The following HMHB1 variants were observed in gnomAD, a reference collection of about 807,000 sequenced individuals.
HMHB1 encodes minor histocompatibility protein HB-1.
A neutral mutation model predicts 2.4 loss-of-function variants in HMHB1; 4 were observed. The ratio of observed to expected loss-of-function variants is 1.65; its 90% CI spans 0.81 to 3.77. The LOEUF (loss-of-function observed/expected upper bound fraction) is 3.77. Among genes scored for constraint, HMHB1 ranks in the 30% most tolerant of loss-of-function variants. HMHB1 has a pLI of 0.01. For missense variants in HMHB1, 57 were observed against 44.2 expected, an observed-to-expected ratio of 1.29 and a Z score of -0.82; for synonymous variants, 22 against 17.6, an observed-to-expected ratio of 1.25 and a Z score of -0.63.
intron 1 of HMHB1, among the ~76,000 whole-genome samples, chr5:143,818,787 T>A (rs1245457166): frequency 2.0e-5 from 3 of 152,168 alleles, no homozygotes; most frequent in Admixed American, 1.3e-4. Context: ...TTCCTTTTTT[T>A]CTTCCCTGGC....
At chr5:143,815,985 C>T (rs566974036) in intron 1 of HMHB1, among the ~76,000 whole-genome samples, 2 of 152,214 alleles carry the variant, frequency 1.3e-5, no homozygotes, top group Admixed American at 6.5e-5. Context: ...GGATTACAGG[C>T]GTGAGCCGCT....
intron 1 of HMHB1, among the ~76,000 whole-genome samples, chr5:143,819,477 A>C (rs1468983556): frequency 5.9e-5 from 9 of 152,136 alleles, no homozygotes; most frequent in Non-Finnish European, 1.3e-4. Flanking sequence ...TCTTCTAAAA[A>C]TACAAAAATT....
intron 1 of HMHB1, among the ~76,000 whole-genome samples, 182 bp downstream of exon 1, chr5:143,812,486 G>A (rs2126791932): frequency 6.6e-6 from 1 of 152,296 alleles, no homozygotes; most frequent in East Asian, 1.9e-4. Flanking sequence ...AGGGCGGATA[G>A]TTTCCAGTTG....
At chr5:143,812,646 G>C (rs3792815) in intron 1 of HMHB1, among the ~76,000 whole-genome samples, 1 of 151,942 alleles carries the variant, frequency 6.6e-6, no homozygotes, top group Non-Finnish European at 1.5e-5. Flanking sequence ...GTCGGAGCCA[G>C]GGTAGCCAAG....
intron 1 of HMHB1, among the ~76,000 whole-genome samples, chr5:143,819,454 G>A (rs1395052032): frequency 6.6e-6 from 1 of 152,110 alleles, no homozygotes; most frequent in Non-Finnish European, 1.5e-5. Context: ...CACCAAGATG[G>A]TGAAACCCTG....
In HMHB1 at chr5:143,812,277, C is replaced by G; in HGVS notation, c.10C>G (p.Gln4Glu). Reference sequence around the variant, plus strand: ...AGTGGAGAAACCAGAACTGGAGGAGCAGCCAGAATGCAGAGAAGAAAAAAG... The same window carrying G: ...AGTGGAGAAACCAGAACTGGAGGAGGAGCCAGAATGCAGAGAAGAAAAAAG... Residue 4 changes from glutamine to glutamate, a missense_variant, in exon 1 of 2, where the codon CAG becomes GAG. Gln to Glu is a conservative substitution (Grantham distance 29). Coordinates refer to ENST00000289448, the MANE Select transcript of HMHB1 (RefSeq NM_021182.3). 4 of 1,551,506 alleles carry G rather than the reference C, an allele frequency of 2.6e-6. No homozygotes were observed. The highest frequency in any genetic ancestry group is 3.5e-6 in the Non-Finnish European group (4 of 1,146,948).
intron 1 of HMHB1, among the ~76,000 whole-genome samples, chr5:143,815,244 A>C (rs1006163914): frequency 2.6e-5 from 4 of 152,230 alleles, no homozygotes; most frequent in Non-Finnish European, 5.9e-5. Context: ...TCATTATCTT[A>C]CAGTTAAGAG....
intron 1 of HMHB1, among the ~76,000 whole-genome samples, 153 bp from the exon 2 acceptor site, chr5:143,820,327 A>AAAAAAAAAAAAAAAAAC: frequency 1.6e-5 from 2 of 123,572 alleles, no homozygotes; most frequent in Non-Finnish European, 3.2e-5. Flanking sequence ...GTAAAAAAAA[A>AAAAAAAAAAAAAAAAAC]AAAAAAAAAA....
chr5:143,820,072 A>G (rs979212393), intron 1 of HMHB1, among the ~76,000 whole-genome samples: 1 of 152,156 alleles, frequency 6.6e-6, no homozygotes, highest in African/African-American at 2.4e-5. Context: ...GCATGTATAC[A>G]TGATTTTATT....
In HMHB1 at chr5:143,812,221, C is replaced by A. The variant is rs535890337; in HGVS notation, c.-47C>A. The A allele has an allele frequency of 6.5e-7, 1 of 1,543,276 alleles. No individual in the cohort carries two copies. Among genetic ancestry groups the A allele is most frequent in the South Asian group, 1.2e-5 (1 of 83,564 alleles). On this transcript the variant is annotated 5_prime_UTR_variant, in exon 1 of 2. Coordinates refer to ENST00000289448, the MANE Select transcript of HMHB1 (RefSeq NM_021182.3). ...TCTCAGAAGCCGGGCAGGCCCTGAG[C>A]CTTCTGACCTCACATCCTCTGCCAC... is the stretch of plus-strand genomic sequence containing the variant.
intron 1 of HMHB1, among the ~76,000 whole-genome samples, chr5:143,814,260 A>AT (rs535875436): frequency 1.3e-5 from 2 of 152,150 alleles, no homozygotes; most frequent in East Asian, 1.9e-4. Context: ...TGTTACTTAT[A>AT]TTTTTTTCCT....
At chr5:143,815,927 C>G (rs181669703) in intron 1 of HMHB1, among the ~76,000 whole-genome samples, 1 of 145,506 alleles carries the variant, frequency 6.9e-6, no homozygotes, top group East Asian at 2.0e-4. Flanking sequence ...AGGATGGTCT[C>G]GATCTCCTGA....
intron 1 of HMHB1, among the ~76,000 whole-genome samples, chr5:143,818,936 G>A (rs549364033): frequency 1.2e-4 from 18 of 152,146 alleles, no homozygotes; most frequent in African/African-American, 2.9e-4. Flanking sequence ...GAGGAGTATC[G>A]TGAGGACCTC....
intron 1 of HMHB1, among the ~76,000 whole-genome samples, chr5:143,818,029 T>A (rs1759768585): frequency 6.6e-6 from 1 of 152,184 alleles, no homozygotes; most frequent in Non-Finnish European, 1.5e-5. Flanking sequence ...GCAATTCCAA[T>A]ACAAATACCA....
At chr5:143,818,615 A>G (rs1759774114) in intron 1 of HMHB1, among the ~76,000 whole-genome samples, 1 of 152,228 alleles carries the variant, frequency 6.6e-6, no homozygotes, top group African/African-American at 2.4e-5. Context: ...CCAGCCAGCT[A>G]TGCAGCCTAT....
intron 1 of HMHB1, among the ~76,000 whole-genome samples, chr5:143,819,943 G>T (rs1346046648): frequency 6.6e-6 from 1 of 152,056 alleles, no homozygotes; most frequent in Non-Finnish European, 1.5e-5. Context: ...GGTTGCTCTG[G>T]AAATCTGCCA....
chr5:143,813,334 A>G (rs1435944082), intron 1 of HMHB1, among the ~76,000 whole-genome samples: 2 of 152,134 alleles, frequency 1.3e-5, no homozygotes, highest in Non-Finnish European at 2.9e-5. Context: ...ATTTCTTTCC[A>G]GGCAAAATAA....
chr5:143,812,405 C>T, intron 1 of HMHB1, 101 bp downstream of exon 1: 3 of 1,121,122 alleles, frequency 2.7e-6, no homozygotes, highest in East Asian at 5.2e-5. Context: ...AGGGAAACCA[C>T]AACAGGTGAA....
intron 1 of HMHB1, 107 bp downstream of exon 1, chr5:143,812,411 G>T (rs1279971268): frequency 1.5e-5 from 16 of 1,034,616 alleles, no homozygotes; most frequent in Non-Finnish European, 2.3e-5. Context: ...ACCACAACAG[G>T]TGAAAACAGG....
Sources: allele counts gnomAD v4.1 joint callset (sites outside exome capture counted in the v4.1 genomes callset), GRCh38; gene constraint gnomAD v4.1.1; transcripts MANE v1.5; gene names NCBI Gene and HGNC (gene_info 2026-07-23, HGNC 2026-07-21).